The following UGGT2 variants were observed in gnomAD, a reference collection of about 807,000 sequenced individuals.
The protein encoded by UGGT2 is UDP-glucose:glycoprotein glucosyltransferase 2.
A neutral mutation model predicts 192.1 loss-of-function variants in UGGT2; 180 were observed. That is an observed-to-expected ratio of 0.94 (90% CI 0.83 to 1.06). UGGT2 has a LOEUF of 1.06. Among genes scored for constraint, UGGT2 ranks in the 50% least tolerant of loss-of-function variants. The pLI, the probability that UGGT2 is intolerant of heterozygous loss-of-function variation, is 0.00. For synonymous variants in UGGT2, 580 were observed against 591.0 expected, an observed-to-expected ratio of 0.98 and a Z score of 0.27; for missense variants, 1,849 against 1,795.7, an observed-to-expected ratio of 1.03 and a Z score of -0.54.
intron 26 of UGGT2, 132 bp downstream of exon 26, chr13:95,887,760 C>G (rs2047685424): frequency 3.3e-6 from 2 of 599,468 alleles, no homozygotes; most frequent in Admixed American, 3.1e-5. Context: ...AGTAAATAGT[C>G]TGACCTTCTG....
intron 12 of UGGT2, 73 bp downstream of exon 12, chr13:95,970,039 G>C: frequency 6.9e-7 from 1 of 1,444,342 alleles, no homozygotes; most frequent in Non-Finnish European, 9.5e-7. Context: ...CATCAGGCCT[G>C]CCGATACTTC....
At chr13:95,918,921 A>G (rs1001236692) in intron 20 of UGGT2, among the ~76,000 whole-genome samples, 20 of 152,184 alleles carry the variant, frequency 1.3e-4, no homozygotes, top group African/African-American at 4.8e-4. Context: ...ACAACAAAAA[A>G]GGAAAACTTC....
chr13:95,874,851 C>T (rs1160644913), intron 29 of UGGT2, among the ~76,000 whole-genome samples: 1 of 152,110 alleles, frequency 6.6e-6, no homozygotes, highest in Non-Finnish European at 1.5e-5. Flanking sequence ...GCTACTGTGC[C>T]TGCCTACTTT....
At chr13:95,964,304 T>A (rs2050497286) in intron 12 of UGGT2, among the ~76,000 whole-genome samples, 1 of 152,162 alleles carries the variant, frequency 6.6e-6, no homozygotes, top group Non-Finnish European at 1.5e-5. Flanking sequence ...ACTTACCATG[T>A]ACAGAAATCA....
chr13:95,862,717 C>G (rs966596761), intron 31 of UGGT2, among the ~76,000 whole-genome samples: 3 of 152,142 alleles, frequency 2.0e-5, no homozygotes, highest in Non-Finnish European at 4.4e-5. Context: ...TAAACTTTTA[C>G]TTACAAAAGT....
chr13:95,821,563 T>C (rs1443466158), intron 38 of UGGT2, among the ~76,000 whole-genome samples: 1 of 152,216 alleles, frequency 6.6e-6, no homozygotes, highest in East Asian at 1.9e-4. Context: ...TCTTTTGCCA[T>C]GCAGAAGCTT....
At chr13:95,902,508 G>A (rs2048133426) in intron 21 of UGGT2, among the ~76,000 whole-genome samples, 1 of 151,344 alleles carries the variant, frequency 6.6e-6, no homozygotes, top group Non-Finnish European at 1.5e-5. Flanking sequence ...TTCTTCAAGA[G>A]GATCATCGTT....
intron 7 of UGGT2, 85 bp downstream of exon 7, chr13:95,995,978 A>G: frequency 8.7e-7 from 1 of 1,142,888 alleles, no homozygotes; most frequent in Non-Finnish European, 1.3e-6. Context: ...AGAAAGGTGA[A>G]GCATATGGCA....
intron 5 of UGGT2, among the ~76,000 whole-genome samples, chr13:96,001,135 C>T (rs546916451): frequency 8.5e-5 from 13 of 152,308 alleles, no homozygotes; most frequent in African/African-American, 2.2e-4. Context: ...GCCATCGCAT[C>T]CCCTGTGACT....
At chr13:96,025,739 A>T (rs2052644524) in intron 2 of UGGT2, among the ~76,000 whole-genome samples, 1 of 152,200 alleles carries the variant, frequency 6.6e-6, no homozygotes, top group African/African-American at 2.4e-5. Context: ...CTTGACAAAA[A>T]GCTCAGAAAT....
chr13:95,969,888 CT>C, intron 12 of UGGT2, among the ~76,000 whole-genome samples: 1 of 152,306 alleles, frequency 6.6e-6, no homozygotes, highest in Non-Finnish European at 1.5e-5. Flanking sequence ...GGAAAAGACA[CT>C]GAATGAGATT....
chr13:95,895,090 C>T (rs1335448723), intron 23 of UGGT2, 90 bp downstream of exon 23: 3 of 1,302,446 alleles, frequency 2.3e-6, no homozygotes, highest in Non-Finnish European at 1.0e-6. Flanking sequence ...CTTTACTTGT[C>T]TATATATTTG....
chr13:95,826,017 A>C (rs951640118), intron 38 of UGGT2, among the ~76,000 whole-genome samples: 3 of 152,094 alleles, frequency 2.0e-5, no homozygotes, highest in Admixed American at 2.0e-4. Context: ...ATATTAGAAA[A>C]AATGATTCGA....
intron 1 of UGGT2, among the ~76,000 whole-genome samples, chr13:96,044,631 T>C (rs955796879): frequency 1.3e-5 from 2 of 151,458 alleles, no homozygotes; most frequent in African/African-American, 4.9e-5. Context: ...AAAGAGAAAA[T>C]CCAAATAAGC....
Position 95,828,751 on chromosome 13 carries a change from C to T in UGGT2, c.4528+4176G>A, listed in dbSNP as rs145547021. 6.3e-3 allele frequency among the ~76,000 whole-genome samples: 962 copies of T among 152,282 alleles called. 18 individuals carry two copies. Among genetic ancestry groups the T allele is most frequent in the Non-Finnish European group, 4.3e-3 (294 of 68,026 alleles). On this transcript the variant is annotated intron_variant, in intron 38 of 38. Transcript: ENST00000376747. The stretch of plus-strand genomic sequence containing the variant: ...ATTCTACCAGAGGTGCAAAGAGAAG[C>T]TGGTTCCATTCCTTCTGAAACTATT...
At chr13:95,863,761 T>A (rs760853560) in intron 30 of UGGT2, 47 bp from the exon 31 acceptor site, 16 of 1,441,316 alleles carry the variant, frequency 1.1e-5, no homozygotes, top group Non-Finnish European at 1.6e-5. Flanking sequence ...CTTTAAATAT[T>A]GTGCTGTATG....
chr13:95,999,489 G>GT (rs1019808539), intron 5 of UGGT2, among the ~76,000 whole-genome samples, 182 bp from the exon 6 acceptor site: 2 of 152,078 alleles, frequency 1.3e-5, no homozygotes, highest in African/African-American at 4.8e-5. Flanking sequence ...CTAGAATTTG[G>GT]TTAATGACTA....
chr13:95,803,738 C>T (rs978706948), intron 38 of UGGT2, among the ~76,000 whole-genome samples: 6 of 152,044 alleles, frequency 3.9e-5, no homozygotes, highest in East Asian at 3.9e-4. Context: ...GGAAGGCTCT[C>T]GGAGAAACAC....
intron 12 of UGGT2, among the ~76,000 whole-genome samples, chr13:95,956,911 A>T (rs1253737916): frequency 2.6e-5 from 4 of 152,256 alleles, no homozygotes; most frequent in Non-Finnish European, 4.4e-5. Context: ...CACAATAGCC[A>T]AAAGTTAGCA....
Sources: allele counts gnomAD v4.1 joint callset (sites outside exome capture counted in the v4.1 genomes callset), GRCh38; gene constraint gnomAD v4.1.1; transcripts MANE v1.5; gene names NCBI Gene and HGNC (gene_info 2026-07-23, HGNC 2026-07-21).